The following SCAPER variants were observed in gnomAD, a reference collection of about 807,000 sequenced individuals.
SCAPER encodes S-phase cyclin A associated protein in the ER, also known as S phase cyclin A-associated protein in the endoplasmic reticulum.
Under a neutral mutation model 182.2 loss-of-function variants are expected in SCAPER, and 98 were observed. That is an observed-to-expected ratio of 0.54 (90% CI 0.46 to 0.64). The LOEUF (loss-of-function observed/expected upper bound fraction) is 0.64. SCAPER is among the 30% of genes least tolerant of loss of function. The pLI, the probability that SCAPER is intolerant of heterozygous loss-of-function variation, is 0.00. For synonymous variants in SCAPER, 605 were observed against 564.6 expected (o/e 1.07, Z -1.01); for missense variants, 1,432 against 1,690.0 (o/e 0.85, Z 2.68).
At chr15:76,394,556 C>T (rs779715626) in intron 27 of SCAPER, among the ~76,000 whole-genome samples, 32 of 152,158 alleles carry the variant, frequency 2.1e-4, no homozygotes, top group East Asian at 5.8e-4. Flanking sequence ...CCATTCCTTT[C>T]GTCTCTTACC....
intron 23 of SCAPER, among the ~76,000 whole-genome samples, chr15:76,535,026 T>G (rs1405730595): frequency 6.6e-6 from 1 of 152,046 alleles, no homozygotes; most frequent in Non-Finnish European, 1.5e-5. Context: ...CTATTAAAAG[T>G]CAGAGTCCAA....
At chr15:76,682,301 G>C (rs978275691) in intron 20 of SCAPER, among the ~76,000 whole-genome samples, 15 of 139,250 alleles carry the variant, frequency 1.1e-4, no homozygotes, top group Non-Finnish European at 4.5e-5. Context: ...TGAGCATGCA[G>C]ACTGCTGTGC....
chr15:76,700,828 G>C (rs2058902121), intron 20 of SCAPER, among the ~76,000 whole-genome samples: 1 of 152,168 alleles, frequency 6.6e-6, no homozygotes, highest in Non-Finnish European at 1.5e-5. Flanking sequence ...GCTTAAGCAT[G>C]AATGTATGAA....
intron 23 of SCAPER, among the ~76,000 whole-genome samples, chr15:76,524,336 A>G (rs1192905625): frequency 6.6e-6 from 1 of 152,152 alleles, no homozygotes. Context: ...AAAAGTGATA[A>G]TAAGTAGCTA....
chr15:76,379,888 T>A (rs926655426), intron 28 of SCAPER: 5 of 152,108 alleles, frequency 3.3e-5, no homozygotes, highest in Admixed American at 2.0e-4. Flanking sequence ...GGCTCCCTGA[T>A]GGAGTGACTG....
intron 30 of SCAPER, among the ~76,000 whole-genome samples, chr15:76,352,699 C>T (rs2141642314): frequency 1.3e-5 from 2 of 151,852 alleles, no homozygotes; most frequent in East Asian, 3.9e-4. Context: ...ATCTGCTCAC[C>T]CCGGCCTCCC....
At chr15:76,550,351 C>T (rs1390975064) in intron 23 of SCAPER, among the ~76,000 whole-genome samples, 2 of 152,126 alleles carry the variant, frequency 1.3e-5, no homozygotes, top group African/African-American at 2.4e-5. Flanking sequence ...TCTCCCTCCC[C>T]GACCCCTGAC....
intron 7 of SCAPER, among the ~76,000 whole-genome samples, chr15:76,799,550 C>G (rs1196978151): frequency 6.6e-6 from 1 of 151,964 alleles, no homozygotes; most frequent in Non-Finnish European, 1.5e-5. Flanking sequence ...GGTGTTTTTA[C>G]TTTTTATATA....
intron 21 of SCAPER, among the ~76,000 whole-genome samples, chr15:76,633,511 A>G (rs2053330443): frequency 6.6e-6 from 1 of 151,246 alleles, no homozygotes; most frequent in Non-Finnish European, 1.5e-5. Context: ...GACTCACCAG[A>G]GCCAGCAGGC....
At chr15:76,686,336 A>G (rs1361775395) in intron 20 of SCAPER, among the ~76,000 whole-genome samples, 1 of 152,116 alleles carries the variant, frequency 6.6e-6, no homozygotes, top group Non-Finnish European at 1.5e-5. Flanking sequence ...TGATCATGCA[A>G]ATAAAAATCA....
At chr15:76,798,115 A>G (rs1315196776) in intron 7 of SCAPER, among the ~76,000 whole-genome samples, 4 of 152,088 alleles carry the variant, frequency 2.6e-5, no homozygotes. Context: ...ATCCTAGCAC[A>G]TTGGGAGCCC....
At chr15:76,647,941 C>T (rs902118737) in intron 21 of SCAPER, among the ~76,000 whole-genome samples, 29 of 151,862 alleles carry the variant, frequency 1.9e-4, no homozygotes, top group African/African-American at 6.3e-4. Context: ...CAAAAGCAAA[C>T]GTACAAGTTT....
intron 27 of SCAPER, among the ~76,000 whole-genome samples, chr15:76,400,806 G>T (rs1406990444): frequency 6.6e-6 from 1 of 152,080 alleles, no homozygotes; most frequent in Admixed American, 6.5e-5. Flanking sequence ...GAGATAAATA[G>T]ATTAAGAATT....
intron 15 of SCAPER, among the ~76,000 whole-genome samples, chr15:76,742,446 A>G (rs1476758121): frequency 6.8e-6 from 1 of 147,776 alleles, no homozygotes; most frequent in African/African-American, 2.5e-5. Flanking sequence ...CACAAGGAAT[A>G]AGAAACAGGT....
intron 26 of SCAPER, among the ~76,000 whole-genome samples, chr15:76,422,722 C>T (rs1228466571): frequency 6.6e-6 from 1 of 152,078 alleles, no homozygotes; most frequent in Non-Finnish European, 1.5e-5. Context: ...ATGCTTCCAG[C>T]TTTTGCCCAT....
chr15:76,781,987 G>GC (rs1396316642), intron 8 of SCAPER, among the ~76,000 whole-genome samples: 4 of 152,042 alleles, frequency 2.6e-5, no homozygotes, highest in Non-Finnish European at 4.4e-5. Flanking sequence ...CAATTCACGG[G>GC]CAAAATAACC....
intron 2 of SCAPER, among the ~76,000 whole-genome samples, chr15:76,864,116 G>GATGAATGCA (rs1412598792): frequency 6.6e-6 from 1 of 152,152 alleles, no homozygotes; most frequent in Non-Finnish European, 1.5e-5. Context: ...ATAGGAACTA[G>GATGAATGCA]ATGAATGCAC....
chr15:76,739,464 G>A (rs1483944285), intron 15 of SCAPER, among the ~76,000 whole-genome samples: 1 of 152,090 alleles, frequency 6.6e-6, no homozygotes, highest in Non-Finnish European at 1.5e-5. Context: ...TAAAATAAAG[G>A]TTATGTGAAC....
intron 29 of SCAPER, among the ~76,000 whole-genome samples, chr15:76,363,788 A>T (rs1384296026): frequency 2.0e-5 from 3 of 152,228 alleles, no homozygotes; most frequent in Non-Finnish European, 2.9e-5. Context: ...GAAATAAAGT[A>T]GTTCCTGCAT....
Sources: gnomAD v4.1 joint callset for allele counts (sites outside exome capture counted in the v4.1 genomes callset) on GRCh38, gnomAD v4.1.1 for gene constraint, MANE v1.5 for transcripts, NCBI Gene and HGNC (gene_info 2026-07-23, HGNC 2026-07-21) for gene names.